The following NXPH1 variants were observed in gnomAD, a reference collection of about 807,000 sequenced individuals.
The protein encoded by NXPH1 is neurexophilin-1.
Under a neutral mutation model 23.7 loss-of-function variants are expected in NXPH1, and 5 were observed. The ratio of observed to expected loss-of-function variants is 0.21; its 90% confidence interval spans 0.11 to 0.44. The LOEUF is 0.44. Ranked by LOEUF, NXPH1 falls within the 20% of genes least tolerant of loss-of-function variation. NXPH1 has a pLI of 0.99. For missense variants in NXPH1, 324 were observed against 321.6 expected (o/e 1.01, Z -0.06); for synonymous variants, 144 against 122.2 (o/e 1.18, Z -1.18).
chr7:8,558,714 C>G (rs145961974), intron 2 of NXPH1, among the ~76,000 whole-genome samples: 1 of 151,738 alleles, frequency 6.6e-6, no homozygotes, highest in East Asian at 2.0e-4. Context: ...TTTCATTTCT[C>G]CTTGTTATTT....
At chr7:8,515,309 A>G (rs1401003905) in intron 2 of NXPH1, among the ~76,000 whole-genome samples, 2 of 152,096 alleles carry the variant, frequency 1.3e-5, no homozygotes. Context: ...ATTTTGCTTC[A>G]TCATCATCAA....
At chr7:8,519,695 G>A (rs981670681) in intron 2 of NXPH1, among the ~76,000 whole-genome samples, 2 of 151,792 alleles carry the variant, frequency 1.3e-5, no homozygotes, top group Non-Finnish European at 2.9e-5. Context: ...TTACCTTTCC[G>A]TATGCGTGTG....
At chr7:8,704,033 C>A (rs549143903) in intron 2 of NXPH1, among the ~76,000 whole-genome samples, 1 of 152,020 alleles carries the variant, frequency 6.6e-6, no homozygotes, top group Non-Finnish European at 1.5e-5. Context: ...TAATTTATAT[C>A]AAAAGTTTCA....
intron 2 of NXPH1, among the ~76,000 whole-genome samples, chr7:8,593,865 T>G (rs1412652178): frequency 6.6e-6 from 1 of 152,244 alleles, no homozygotes; most frequent in East Asian, 1.9e-4. Flanking sequence ...AAATGTACCT[T>G]GGTTTGGTAA....
In NXPH1 at chr7:8,492,352, G is replaced by A. The variant is rs956847240; in HGVS notation, c.54+56585G>A. Among the ~76,000 whole-genome samples, 4 of 151,982 alleles carry A rather than the reference G, an allele frequency of 2.6e-5. No homozygotes were observed. In the South Asian group the frequency reaches 8.3e-4, roughly 31 times the overall value. ...ATTTGGAGTCAGAAGATCTGAGTTT[G>A]CTTTTGATTTAGCCATGTAAGAGCT... On this transcript the variant is annotated intron_variant, in intron 2 of 2. Transcript: ENST00000405863.
intron 2 of NXPH1, among the ~76,000 whole-genome samples, chr7:8,543,070 G>T (rs1818144047): frequency 6.6e-6 from 1 of 151,524 alleles, no homozygotes. Context: ...CCCCCATGAT[G>T]ATTGTCCTTT....
At chr7:8,651,851 A>G (rs188465461) in intron 2 of NXPH1, among the ~76,000 whole-genome samples, 1 of 152,316 alleles carries the variant, frequency 6.6e-6, no homozygotes, top group East Asian at 1.9e-4. Context: ...TGGATAATTC[A>G]TGGCTAAAAT....
intron 2 of NXPH1, among the ~76,000 whole-genome samples, chr7:8,662,609 G>A (rs1330062313): frequency 6.6e-6 from 1 of 151,926 alleles, no homozygotes; most frequent in Non-Finnish European, 1.5e-5. Flanking sequence ...TCAAGTCTGG[G>A]TGAGTAGTAG....
chr7:8,474,251 T>C (rs1461317674), intron 2 of NXPH1, among the ~76,000 whole-genome samples: 1 of 152,194 alleles, frequency 6.6e-6, no homozygotes, highest in Non-Finnish European at 1.5e-5. Context: ...TTTGTGTTTT[T>C]TTTCTTTCTC....
intron 2 of NXPH1, among the ~76,000 whole-genome samples, chr7:8,464,254 A>G (rs745575504): frequency 2.0e-4 from 30 of 152,170 alleles, no homozygotes; most frequent in Non-Finnish European, 4.1e-4. Context: ...CCTTTTACCA[A>G]CAATGTATGA....
At chr7:8,720,509 A>G (rs918257459) in intron 2 of NXPH1, among the ~76,000 whole-genome samples, 1 of 152,240 alleles carries the variant, frequency 6.6e-6, no homozygotes, top group Admixed American at 6.5e-5. Context: ...AAAATAAAAT[A>G]ATGTCAGCCT....
chr7:8,741,891 A>G (rs1023028542), intron 2 of NXPH1, among the ~76,000 whole-genome samples: 4 of 152,060 alleles, frequency 2.6e-5, no homozygotes, highest in Non-Finnish European at 4.4e-5. Flanking sequence ...CCTTCTGCCA[A>G]GATACACATG....
intron 2 of NXPH1, among the ~76,000 whole-genome samples, chr7:8,711,300 A>G (rs2115197452): frequency 1.3e-5 from 2 of 152,320 alleles, no homozygotes; most frequent in East Asian, 3.9e-4. Context: ...GAAGTCAGTA[A>G]CATATTGTTA....
chr7:8,704,907 A>G (rs1779680482), intron 2 of NXPH1, among the ~76,000 whole-genome samples: 1 of 152,134 alleles, frequency 6.6e-6, no homozygotes, highest in Admixed American at 6.6e-5. Context: ...GTACTTTCAC[A>G]AGTATATATA....
intron 2 of NXPH1, among the ~76,000 whole-genome samples, chr7:8,661,058 A>C (rs1474740171): frequency 6.6e-6 from 1 of 152,088 alleles, no homozygotes; most frequent in African/African-American, 2.4e-5. Flanking sequence ...GTGACATAGA[A>C]AAATATAGCA....
chr7:8,650,271 T>C (rs1820470634), intron 2 of NXPH1, among the ~76,000 whole-genome samples: 1 of 152,190 alleles, frequency 6.6e-6, no homozygotes, highest in African/African-American at 2.4e-5. Context: ...TTGCTAAATA[T>C]GTAAAAAATA....
chr7:8,513,210 G>A (rs1428793076), intron 2 of NXPH1, among the ~76,000 whole-genome samples: 1 of 152,050 alleles, frequency 6.6e-6, no homozygotes, highest in African/African-American at 2.4e-5. Context: ...TTTTACAGGT[G>A]GATGAGGATG....
chr7:8,605,817 A>G (rs1259558473), intron 2 of NXPH1, among the ~76,000 whole-genome samples: 3 of 152,078 alleles, frequency 2.0e-5, no homozygotes, highest in Admixed American at 1.3e-4. Context: ...GGCTGTGTGG[A>G]AGTTTCAGAA....
intron 2 of NXPH1, among the ~76,000 whole-genome samples, chr7:8,519,920 A>T (rs1817743242): frequency 6.6e-6 from 1 of 152,152 alleles, no homozygotes; most frequent in Non-Finnish European, 1.5e-5. Context: ...GAGAAAGTTT[A>T]TTGATGAAAA....
Sources: gnomAD v4.1 joint callset for allele counts (sites outside exome capture counted in the v4.1 genomes callset) on GRCh38, gnomAD v4.1.1 for gene constraint, MANE v1.5 for transcripts, NCBI Gene and HGNC (gene_info 2026-07-23, HGNC 2026-07-21) for gene names.